The following INPP4B variants were observed in gnomAD, a reference collection of about 807,000 sequenced individuals.
The protein encoded by INPP4B is inositol polyphosphate 4-phosphatase type II.
INPP4B carries 55 observed loss-of-function variants against 122.5 expected under a neutral mutation model. That is an observed-to-expected ratio of 0.45 (90% CI 0.36 to 0.56). The LOEUF (loss-of-function observed/expected upper bound fraction) is 0.56. Among genes scored for constraint, INPP4B ranks in the 20% least tolerant of loss-of-function variants. The pLI is 0.00. For missense variants in INPP4B, 1,000 were observed against 1,097.7 expected, an observed-to-expected ratio of 0.91 and a Z score of 1.26; for synonymous variants, 403 against 388.7, an observed-to-expected ratio of 1.04 and a Z score of -0.43.
At chr4:142,403,828 C>A (rs1381755301) in intron 6 of INPP4B, among the ~76,000 whole-genome samples, 1 of 152,146 alleles carries the variant, frequency 6.6e-6, no homozygotes, top group Non-Finnish European at 1.5e-5. Flanking sequence ...TTGCTTGGCA[C>A]TGCATCAGAC....
chr4:142,308,996 C>T (rs183277128), intron 8 of INPP4B, among the ~76,000 whole-genome samples: 35 of 152,150 alleles, frequency 2.3e-4, no homozygotes, highest in Admixed American at 1.7e-3. Flanking sequence ...ATGAAGTCTG[C>T]GGTCTTGAAC....
At chr4:142,321,838 A>T (rs1484352702) in intron 7 of INPP4B, among the ~76,000 whole-genome samples, 1 of 152,130 alleles carries the variant, frequency 6.6e-6, no homozygotes, top group African/African-American at 2.4e-5. Flanking sequence ...TGGTGGTCAT[A>T]GCCTTATAGT....
intron 17 of INPP4B, among the ~76,000 whole-genome samples, chr4:142,149,155 A>C (rs140447364): frequency 6.6e-6 from 1 of 152,176 alleles, no homozygotes; most frequent in African/African-American, 2.4e-5. Flanking sequence ...TCTGTCTCTA[A>C]TATTAGACTG....
intron 10 of INPP4B, among the ~76,000 whole-genome samples, chr4:142,266,543 G>GAA (rs956210000): frequency 2.0e-5 from 3 of 152,052 alleles, no homozygotes; most frequent in Admixed American, 6.6e-5. Context: ...TCCTGGGTAA[G>GAA]AAAAATCAAA....
chr4:142,691,159 C>T (rs1760115683), intron 2 of INPP4B, among the ~76,000 whole-genome samples: 1 of 152,026 alleles, frequency 6.6e-6, no homozygotes, highest in Non-Finnish European at 1.5e-5. Context: ...CTCATCTTAG[C>T]ATTCTCTTTA....
At chr4:142,602,176 A>G (rs1440858177) in intron 2 of INPP4B, among the ~76,000 whole-genome samples, 1 of 152,070 alleles carries the variant, frequency 6.6e-6, no homozygotes, top group Non-Finnish European at 1.5e-5. Context: ...TAGCATTCCT[A>G]TACATCAATA....
chr4:142,811,316 T>C (rs989068882), intron 1 of INPP4B, among the ~76,000 whole-genome samples: 1 of 152,150 alleles, frequency 6.6e-6, no homozygotes, highest in Non-Finnish European at 1.5e-5. Flanking sequence ...GCAGATGTTG[T>C]TGACAGAGGA....
At chr4:142,537,419 TATATATATATAGAG>T (rs1393371726) in intron 2 of INPP4B, among the ~76,000 whole-genome samples, 6 of 52,140 alleles carry the variant, frequency 1.2e-4, no homozygotes, top group Admixed American at 2.2e-4. Flanking sequence ...TATATATATA[TATATATATATAGAG>T]AGAGAGAGAG....
chr4:142,539,101 C>T (rs540677630), intron 2 of INPP4B, among the ~76,000 whole-genome samples: 1 of 147,234 alleles, frequency 6.8e-6, no homozygotes, highest in Non-Finnish European at 1.5e-5. Context: ...TATATATAAA[C>T]AATTTAGGAT....
intron 25 of INPP4B, among the ~76,000 whole-genome samples, chr4:142,078,719 A>G (rs1441129440): frequency 2.0e-5 from 3 of 152,036 alleles, no homozygotes; most frequent in Non-Finnish European, 4.4e-5. Flanking sequence ...CTTAATATAG[A>G]TAAGGACAAA....
At chr4:142,031,050 TTACTTTCTGTG>T (rs574856095) in intron 25 of INPP4B, among the ~76,000 whole-genome samples, 32 of 152,208 alleles carry the variant, frequency 2.1e-4, no homozygotes, top group Non-Finnish European at 4.4e-4. Flanking sequence ...TCTAGATTGT[TTACTTTCTGTG>T]TAAATAAAAA....
chr4:142,479,044 G>GA (rs1345320161), intron 2 of INPP4B, among the ~76,000 whole-genome samples: 1 of 152,028 alleles, frequency 6.6e-6, no homozygotes, highest in Non-Finnish European at 1.5e-5. Flanking sequence ...TAAAGAAGGG[G>GA]AAAAAATATT....
chr4:142,152,256 T>TA (rs1316585466), intron 17 of INPP4B, among the ~76,000 whole-genome samples: 2 of 151,556 alleles, frequency 1.3e-5, no homozygotes, highest in African/African-American at 4.9e-5. Context: ...TTTGTATTTT[T>TA]AGTAGAGACG....
At position 142,123,279 on chromosome 4, in the gene INPP4B, A is replaced by T. The variant is rs1202673441; in HGVS notation, c.2017+13T>A. 5.7e-6 allele frequency: 9 copies of T among 1,578,478 alleles called. No homozygotes were observed. Among genetic ancestry groups the T allele is most frequent in the Admixed American group, 1.8e-5 (1 of 54,488 alleles). On this transcript the variant is annotated intron_variant, in intron 20 of 25. Transcript: ENST00000262992. ...AGAAATGTGATTTTAACTTGTACTA[A>T]AGCAATACTCACTGTATGTACTTAG...
At chr4:142,063,197 G>T (rs1322697431) in intron 25 of INPP4B, among the ~76,000 whole-genome samples, 2 of 152,110 alleles carry the variant, frequency 1.3e-5, no homozygotes, top group Non-Finnish European at 2.9e-5. Context: ...TTACCTTGTA[G>T]CAACTTTCTT....
intron 2 of INPP4B, among the ~76,000 whole-genome samples, chr4:142,625,028 C>T (rs1746002768): frequency 6.7e-6 from 1 of 150,124 alleles, no homozygotes; most frequent in East Asian, 2.0e-4. Context: ...CAATATCATA[C>T]TGAATGGGCA....
At chr4:142,542,141 G>C (rs913593554) in intron 2 of INPP4B, among the ~76,000 whole-genome samples, 8 of 152,126 alleles carry the variant, frequency 5.3e-5, no homozygotes, top group African/African-American at 1.4e-4. Flanking sequence ...AAAAAGTTCT[G>C]GATCTCAGGC....
chr4:142,214,986 T>C (rs994262265), intron 12 of INPP4B, among the ~76,000 whole-genome samples: 2 of 152,374 alleles, frequency 1.3e-5, no homozygotes, highest in East Asian at 1.9e-4. Flanking sequence ...CAACCAGATA[T>C]GCCAGTTTAC....
chr4:142,074,762 G>T lies in INPP4B; in HGVS notation c.2642+7269C>A, dbSNP rs140357268. ...TCTCAAAAACTTGATATCAGCTGAA[G>T]AAAATAAGTTGTTCAATGTGCCACA... On this transcript the variant is annotated intron_variant, in intron 25 of 25. Transcript: ENST00000262992. Among the ~76,000 whole-genome samples the T allele has an allele frequency of 1.9e-3, 285 of 152,198 alleles. 1 individual carries two copies. The highest frequency in any genetic ancestry group is 6.4e-3 in the African/African-American group (268 of 41,552).
Sources: allele counts gnomAD v4.1 joint callset (sites outside exome capture counted in the v4.1 genomes callset), GRCh38; gene constraint gnomAD v4.1.1; transcripts MANE v1.5; gene names NCBI Gene and HGNC (gene_info 2026-07-23, HGNC 2026-07-21).